The following RBM20 variants were observed in gnomAD, a reference collection of about 807,000 sequenced individuals.
RBM20 encodes the protein RNA-binding protein 20.
Under a neutral mutation model 110.1 loss-of-function variants are expected in RBM20, and 51 were observed. The observed-to-expected ratio is 0.46, with a 90% confidence interval of 0.37 to 0.59. The LOEUF is 0.59. RBM20 is among the 20% of genes least tolerant of loss of function. The pLI, the probability that RBM20 is intolerant of heterozygous loss-of-function variation, is 0.00. For missense variants in RBM20, 1,512 were observed against 1,574.9 expected, an observed-to-expected ratio of 0.96 and a Z score of 0.68; for synonymous variants, 589 against 618.2, an observed-to-expected ratio of 0.95 and a Z score of 0.70.
chr10:110,667,612 T>C (rs895805646), intron 1 of RBM20, among the ~76,000 whole-genome samples: 15 of 152,168 alleles, frequency 9.9e-5, no homozygotes, highest in African/African-American at 3.1e-4. Flanking sequence ...CTTTCTACCT[T>C]GTTTGCCTCT....
At chr10:110,767,613 G>T (rs1236692655) in intron 1 of RBM20, among the ~76,000 whole-genome samples, 1 of 151,812 alleles carries the variant, frequency 6.6e-6, no homozygotes, top group Non-Finnish European at 1.5e-5. Context: ...CTTCTCAGAC[G>T]GGGCGGACGG....
rs190284067 is a variant in RBM20, at chr10:110,776,631, G to A, written c.192-4170G>A. 4.1e-3 allele frequency among the ~76,000 whole-genome samples: 629 copies of A among 152,224 alleles called. 5 individuals carry two copies. Among genetic ancestry groups the A allele is most frequent in the African/African-American group, 0.014 (585 of 41,528 alleles). ...CGCTGACTCTGATCCTCCTGCTTCCGTCTTAGAAGGACTCTTGTGATTACA... is the reference window on the plus strand; with the variant it reads ...CGCTGACTCTGATCCTCCTGCTTCCATCTTAGAAGGACTCTTGTGATTACA... On this transcript the variant is annotated intron_variant, in intron 1 of 13. Coordinates refer to ENST00000369519, the MANE Select transcript of RBM20 (RefSeq NM_001134363.3).
intron 9 of RBM20, among the ~76,000 whole-genome samples, chr10:110,814,112 T>C (rs1174982935): frequency 6.6e-6 from 1 of 151,880 alleles, no homozygotes; most frequent in African/African-American, 2.4e-5. Context: ...GACCTGGGAG[T>C]TGGTGACAAT....
At chr10:110,701,677 G>A (rs1862759407) in intron 1 of RBM20, among the ~76,000 whole-genome samples, 1 of 152,210 alleles carries the variant, frequency 6.6e-6, no homozygotes, top group Non-Finnish European at 1.5e-5. Context: ...GGATTTCATG[G>A]TAGCTGTCAT....
intron 1 of RBM20, among the ~76,000 whole-genome samples, chr10:110,763,774 T>C (rs1338472010): frequency 6.6e-6 from 1 of 150,978 alleles, no homozygotes; most frequent in African/African-American, 2.4e-5. Context: ...TTTTTTTTTT[T>C]TGGTATTGTA....
At chr10:110,761,583 C>A (rs1373607264) in intron 1 of RBM20, among the ~76,000 whole-genome samples, 9 of 152,210 alleles carry the variant, frequency 5.9e-5, no homozygotes, top group Non-Finnish European at 1.2e-4. Context: ...GCCCGAGTCT[C>A]CCACCTCCCA....
chr10:110,788,258 T>A (rs778064602), intron 5 of RBM20, among the ~76,000 whole-genome samples: 44 of 152,186 alleles, frequency 2.9e-4, no homozygotes, highest in Admixed American at 2.0e-3. Flanking sequence ...GTTCTGAGGC[T>A]GCGTTGCAGG....
intron 7 of RBM20, among the ~76,000 whole-genome samples, chr10:110,805,380 G>A (rs1006434058): frequency 3.4e-4 from 52 of 152,318 alleles, no homozygotes; most frequent in African/African-American, 1.2e-3. Flanking sequence ...AACAGTCAGG[G>A]CTGCCTTGAC....
chr10:110,686,838 A>C (rs1427845824), intron 1 of RBM20, among the ~76,000 whole-genome samples: 2 of 152,016 alleles, frequency 1.3e-5, no homozygotes, highest in African/African-American at 4.8e-5. Context: ...CAGGAGTTCG[A>C]GACCAGCCTG....
intron 1 of RBM20, among the ~76,000 whole-genome samples, chr10:110,659,380 G>A (rs1862068126): frequency 6.6e-6 from 1 of 152,212 alleles, no homozygotes; most frequent in South Asian, 2.1e-4. Context: ...GGGTTAAAGG[G>A]GGACCAGGGT....
At chr10:110,744,713 G>C (rs1451279035) in intron 1 of RBM20, among the ~76,000 whole-genome samples, 2 of 152,182 alleles carry the variant, frequency 1.3e-5, no homozygotes, top group South Asian at 4.1e-4. Context: ...AATGAGTTTA[G>C]ATGTATATTT....
intron 1 of RBM20, among the ~76,000 whole-genome samples, chr10:110,647,067 C>T (rs1002037475): frequency 6.6e-6 from 1 of 152,214 alleles, no homozygotes; most frequent in Non-Finnish European, 1.5e-5. Context: ...AGATTACAAA[C>T]ATTTTTCCAC....
intron 1 of RBM20, among the ~76,000 whole-genome samples, chr10:110,706,432 C>T (rs1862840400): frequency 6.6e-6 from 1 of 152,246 alleles, no homozygotes; most frequent in Admixed American, 6.5e-5. Context: ...GAGGTTGGAG[C>T]TCAGCGTGAC....
At chr10:110,801,589 C>G (rs1205762715) in intron 7 of RBM20, among the ~76,000 whole-genome samples, 1 of 151,984 alleles carries the variant, frequency 6.6e-6, no homozygotes, top group African/African-American at 2.4e-5. Context: ...GGCTGGAGCG[C>G]AGTGGTGCAA....
chr10:110,781,633 C>A lies in RBM20; in HGVS notation c.1024C>A (p.Pro342Thr), dbSNP rs876657971. The change falls in exon 2 of 14, where the codon CCC (proline) becomes ACC (threonine). Residue 342 changes from proline to threonine, a missense_variant. Pro to Thr is a conservative substitution (Grantham distance 38). This residue lies in a region of RBM20 where 1,149 missense variants were observed against 1,169.4 expected (regional missense o/e 0.98). Transcript: ENST00000369519. ...DLTAGPMWPP[P>T]HNQPYELYDP... Reference sequence around the variant, plus strand: ...CACAGCAGGTCCCATGTGGCCTCCACCCCACAACCAGCCCTATGAGCTGTA... The same window carrying A: ...CACAGCAGGTCCCATGTGGCCTCCAACCCACAACCAGCCCTATGAGCTGTA... 24 of 1,549,560 alleles carry A rather than the reference C, an allele frequency of 1.5e-5. No homozygotes were observed. In the African/African-American group the frequency reaches 3.2e-4, roughly 20 times the overall value.
rs149176231 is a variant in RBM20, at chr10:110,652,401, T to A, written c.191+7756T>A. On this transcript the variant is annotated intron_variant, in intron 1 of 13. Transcript: ENST00000369519. ...TCCTTTTTAATATGGTCTATTTTTTTAAAATTCAGTGAGCATGTATTACTT... is the reference window on the plus strand; with the variant it reads ...TCCTTTTTAATATGGTCTATTTTTTAAAAATTCAGTGAGCATGTATTACTT... Among the ~76,000 whole-genome samples, 308 of 152,354 alleles carry A rather than the reference T, an allele frequency of 2.0e-3. 1 individual carries two copies. The highest frequency in any genetic ancestry group is 6.9e-3 in the African/African-American group (285 of 41,596).
chr10:110,779,628 G>T (rs571732922), intron 1 of RBM20, among the ~76,000 whole-genome samples: 2 of 152,264 alleles, frequency 1.3e-5, no homozygotes, highest in East Asian at 3.9e-4. Flanking sequence ...AGTCTTGTGG[G>T]GCTGAGCCAT....
At chr10:110,687,420 C>T (rs932935157) in intron 1 of RBM20, among the ~76,000 whole-genome samples, 4 of 152,246 alleles carry the variant, frequency 2.6e-5, no homozygotes, top group South Asian at 2.1e-4. Context: ...GATGATTTTA[C>T]GCATTATTAG....
intron 1 of RBM20, among the ~76,000 whole-genome samples, chr10:110,725,275 G>A (rs1332571867): frequency 6.6e-6 from 1 of 152,152 alleles, no homozygotes; most frequent in Non-Finnish European, 1.5e-5. Context: ...TCTGGAGCGT[G>A]CGCTTATATG....
Sources: gnomAD v4.1 joint callset for allele counts (sites outside exome capture counted in the v4.1 genomes callset) on GRCh38, gnomAD v4.1.1 for gene constraint, gnomAD v4.1.1 regional missense constraint, MANE v1.5 for transcripts, NCBI Gene and HGNC (gene_info 2026-07-23, HGNC 2026-07-21) for gene names.